Variants in CYP2C19 observed in about 807,000 individuals in gnomAD.
The protein encoded by CYP2C19 is cytochrome P450 2C19.
CYP2C19 carries 59 observed loss-of-function variants against 40.9 expected under a neutral mutation model. The observed-to-expected ratio is 1.44, with a 90% confidence interval of 1.17 to 1.79. The LOEUF (loss-of-function observed/expected upper bound fraction) is 1.79. Ranked by LOEUF, CYP2C19 falls within the 40% of genes most tolerant of loss-of-function variation. The pLI is 0.00. For synonymous variants in CYP2C19, 253 were observed against 208.7 expected (o/e 1.21, Z -1.83); for missense variants, 754 against 596.9 (o/e 1.26, Z -2.74).
At chr10:94,837,196 T>C (rs1849417810) in intron 6 of CYP2C19, among the ~76,000 whole-genome samples, 1 of 152,064 alleles carries the variant, frequency 6.6e-6, no homozygotes, top group Non-Finnish European at 1.5e-5. Flanking sequence ...CCACTGTCCA[T>C]TGGGTTTCTG....
At chr10:94,849,341 T>TTTA (rs1849617451) in intron 7 of CYP2C19, among the ~76,000 whole-genome samples, 1 of 148,418 alleles carries the variant, frequency 6.7e-6, no homozygotes, top group Admixed American at 6.7e-5. Flanking sequence ...TTATTTATTT[T>TTTA]TTTCATCAGC....
chr10:94,804,476 C>A (rs1244668996), intron 5 of CYP2C19, among the ~76,000 whole-genome samples: 4 of 152,336 alleles, frequency 2.6e-5, no homozygotes, highest in Admixed American at 2.6e-4. Context: ...ATATTAAAAG[C>A]AGCATCTTGC....
At chr10:94,801,796 A>T (rs1484168283) in intron 5 of CYP2C19, among the ~76,000 whole-genome samples, 2 of 152,198 alleles carry the variant, frequency 1.3e-5, no homozygotes, top group Non-Finnish European at 2.9e-5. Context: ...CATATAATTT[A>T]GGATAGTTAG....
intron 5 of CYP2C19, among the ~76,000 whole-genome samples, chr10:94,785,353 G>T (rs1241479979): frequency 2.0e-5 from 3 of 152,032 alleles, no homozygotes; most frequent in Non-Finnish European, 4.4e-5. Flanking sequence ...GTGAGGTAGG[G>T]TAGGTCCCAG....
chr10:94,782,699 T>A (rs1364009762), intron 5 of CYP2C19, among the ~76,000 whole-genome samples: 1 of 152,078 alleles, frequency 6.6e-6, no homozygotes, highest in Admixed American at 6.6e-5. Context: ...AGCCAAGACT[T>A]GGAATCAACC....
intron 1 of CYP2C19, among the ~76,000 whole-genome samples, chr10:94,772,449 G>T (rs964497470): frequency 3.9e-5 from 6 of 152,126 alleles, no homozygotes; most frequent in Admixed American, 2.0e-4. Flanking sequence ...ACTAGCCTTG[G>T]AGAAGAGAGG....
At chr10:94,821,513 C>A (rs372245749) in intron 6 of CYP2C19, among the ~76,000 whole-genome samples, 4 of 152,054 alleles carry the variant, frequency 2.6e-5, no homozygotes. Context: ...AAAGAGGTAC[C>A]TAAAGAATGT....
intron 6 of CYP2C19, among the ~76,000 whole-genome samples, chr10:94,834,231 G>T (rs1043697718): frequency 6.6e-6 from 1 of 152,104 alleles, no homozygotes; most frequent in African/African-American, 2.4e-5. Context: ...ATCTCAATAG[G>T]TCATATATGT....
chr10:94,820,960 T>G (rs1172811319), intron 6 of CYP2C19, among the ~76,000 whole-genome samples: 1 of 152,114 alleles, frequency 6.6e-6, no homozygotes, highest in Non-Finnish European at 1.5e-5. Context: ...GGCACACCAC[T>G]GTAATCCCAG....
At position 94,837,425 on chromosome 10, in the gene CYP2C19, T is replaced by C. The variant is rs151165718; in HGVS notation, c.962-5412T>C. On this transcript the variant is annotated intron_variant, in intron 6 of 8. Coordinates refer to ENST00000371321, the MANE Select transcript of CYP2C19 (RefSeq NM_000769.4). ...CCTTCTGTTGCCTAGACTTTAGGATTAATTCCTTCCTCAAGCAGGGGACAA... is the reference window on the plus strand; with the variant it reads ...CCTTCTGTTGCCTAGACTTTAGGATCAATTCCTTCCTCAAGCAGGGGACAA... Among the ~76,000 whole-genome samples, 17 of 152,250 alleles carry C rather than the reference T, an allele frequency of 1.1e-4. No individual in the cohort carries two copies. In the East Asian group the frequency reaches 3.1e-3, roughly 28 times the overall value.
intron 6 of CYP2C19, among the ~76,000 whole-genome samples, chr10:94,837,795 G>T (rs368570837): frequency 6.7e-6 from 1 of 150,160 alleles, no homozygotes; most frequent in East Asian, 2.0e-4. Context: ...CTTGCCCCAG[G>T]CACCCTCAGT....
intron 6 of CYP2C19, among the ~76,000 whole-genome samples, chr10:94,840,485 A>G (rs1211144089): frequency 6.6e-6 from 1 of 152,126 alleles, no homozygotes; most frequent in Non-Finnish European, 1.5e-5. Flanking sequence ...ATCCCTTTAG[A>G]GATACAACTT....
chr10:94,817,765 G>A (rs565265359), intron 5 of CYP2C19, among the ~76,000 whole-genome samples: 1 of 152,068 alleles, frequency 6.6e-6, no homozygotes, highest in Non-Finnish European at 1.5e-5. Flanking sequence ...TGTAATCCCG[G>A]CACTTTGGGA....
chr10:94,812,163 G>C (rs574221231), intron 5 of CYP2C19, among the ~76,000 whole-genome samples: 1 of 152,190 alleles, frequency 6.6e-6, no homozygotes, highest in Admixed American at 6.5e-5. Context: ...TGAAATTCTG[G>C]GTTGAAAATT....
intron 1 of CYP2C19, among the ~76,000 whole-genome samples, chr10:94,770,234 T>A (rs1848308801): frequency 6.6e-6 from 1 of 152,166 alleles, no homozygotes; most frequent in African/African-American, 2.4e-5. Flanking sequence ...GGTTGGGGGC[T>A]TCTGGCCCAG....
chr10:94,830,096 T>C (rs1475223782), intron 6 of CYP2C19, among the ~76,000 whole-genome samples: 1 of 152,184 alleles, frequency 6.6e-6, no homozygotes, highest in Non-Finnish European at 1.5e-5. Flanking sequence ...CAGAGGTTAC[T>C]GCTGTCTTTT....
intron 1 of CYP2C19, among the ~76,000 whole-genome samples, chr10:94,773,291 C>A (rs1253084977): frequency 6.6e-6 from 1 of 152,116 alleles, no homozygotes; most frequent in Non-Finnish European, 1.5e-5. Flanking sequence ...AGCTGCGGAC[C>A]CACATGGTGA....
At chr10:94,772,435 CG>C (rs1269949433) in intron 1 of CYP2C19, among the ~76,000 whole-genome samples, 7 of 152,046 alleles carry the variant, frequency 4.6e-5, no homozygotes, top group African/African-American at 1.7e-4. Flanking sequence ...TTTTTAGAAG[CG>C]GGACTAGCCT....
At chr10:94,808,284 G>C (rs980759599) in intron 5 of CYP2C19, among the ~76,000 whole-genome samples, 4 of 151,840 alleles carry the variant, frequency 2.6e-5, no homozygotes, top group African/African-American at 9.7e-5. Flanking sequence ...AGTAATTTTT[G>C]TGTGTTTTTA....
Sources: gnomAD v4.1 joint callset for allele counts (sites outside exome capture counted in the v4.1 genomes callset) on GRCh38, gnomAD v4.1.1 for gene constraint, MANE v1.5 for transcripts, NCBI Gene and HGNC (gene_info 2026-07-23, HGNC 2026-07-21) for gene names.